Variants in CNNM2 observed in about 807,000 individuals in gnomAD.
CNNM2 encodes the protein metal transporter CNNM2.
In CNNM2, 12 loss-of-function variants were observed where a neutral mutation model predicts 66.9. That is an observed-to-expected ratio of 0.18 (90% CI 0.11 to 0.29). CNNM2 has a LOEUF of 0.29. CNNM2 is among the 10% of genes least tolerant of loss of function. The pLI is 1.00. For missense variants in CNNM2, 705 were observed against 1,167.7 expected (o/e 0.60, Z 5.77); for synonymous variants, 557 against 501.8 (o/e 1.11, Z -1.47).
intron 1 of CNNM2, among the ~76,000 whole-genome samples, chr10:102,941,452 T>A (rs1167420023): frequency 1.3e-5 from 2 of 150,418 alleles, no homozygotes; most frequent in East Asian, 2.0e-4. Context: ...TAAAAAAAAA[T>A]GATCATATAC....
chr10:102,997,283 C>T (rs2064021093), intron 1 of CNNM2, among the ~76,000 whole-genome samples: 1 of 152,148 alleles, frequency 6.6e-6, no homozygotes, highest in Non-Finnish European at 1.5e-5. Context: ...AATTCTTGAT[C>T]CACTGCAGGT....
intron 1 of CNNM2, among the ~76,000 whole-genome samples, chr10:103,034,073 A>T (rs533962013): frequency 2.8e-4 from 43 of 152,048 alleles, no homozygotes; most frequent in African/African-American, 9.9e-4. Flanking sequence ...AATACATTGG[A>T]TAAGAATTTA....
chr10:103,020,952 C>T (rs2064563979), intron 1 of CNNM2, among the ~76,000 whole-genome samples: 1 of 151,926 alleles, frequency 6.6e-6, no homozygotes, highest in South Asian at 2.1e-4. Context: ...ATGACAAGGT[C>T]AATGGAGTGA....
chr10:102,920,864 A>G (rs1264530632), intron 1 of CNNM2, among the ~76,000 whole-genome samples: 1 of 152,178 alleles, frequency 6.6e-6, no homozygotes, highest in Non-Finnish European at 1.5e-5. Context: ...ATTTGTTTAC[A>G]TTTATCTGAC....
intron 1 of CNNM2, among the ~76,000 whole-genome samples, chr10:103,017,454 A>G (rs931658221): frequency 2.6e-5 from 4 of 152,166 alleles, no homozygotes; most frequent in Non-Finnish European, 5.9e-5. Context: ...GGTGGTATGT[A>G]TGGCAGAGAA....
At chr10:103,039,288 C>A (rs1235330744) in intron 1 of CNNM2, among the ~76,000 whole-genome samples, 1 of 152,116 alleles carries the variant, frequency 6.6e-6, no homozygotes, top group East Asian at 1.9e-4. Context: ...AGGAGTGCAC[C>A]ACCATGCCTG....
At chr10:103,003,356 C>T (rs1276043928) in intron 1 of CNNM2, among the ~76,000 whole-genome samples, 4 of 152,002 alleles carry the variant, frequency 2.6e-5, no homozygotes, top group African/African-American at 7.2e-5. Context: ...TCAGGTAATC[C>T]GCCTGCCTCA....
At chr10:102,921,476 G>A (rs2134153523) in intron 1 of CNNM2, among the ~76,000 whole-genome samples, 1 of 152,304 alleles carries the variant, frequency 6.6e-6, no homozygotes, top group South Asian at 2.1e-4. Context: ...TAAGTTTTAT[G>A]TAAAGGAACA....
rs2065711337 is a variant in CNNM2, at chr10:103,077,523, A to AT, written c.*349dup. On this transcript the variant is annotated 3_prime_UTR_variant, in exon 8 of 8. Transcript: ENST00000369878. Reference sequence around the variant, plus strand: ...ATGAAGTTGAAAATTGTTGCGATTTATTTTTTCAAGAGATCATGTTTTTAA... The same window carrying AT: ...ATGAAGTTGAAAATTGTTGCGATTTATTTTTTTCAAGAGATCATGTTTTTAA... 1 of 266,700 alleles carries AT rather than the reference A, an allele frequency of 3.7e-6. No homozygotes were observed. The highest frequency in any genetic ancestry group is 6.5e-5 in the South Asian group (1 of 15,352). 16.5% of individuals were successfully genotyped at this position (266,700 alleles called of 1,614,324 possible).
intron 1 of CNNM2, among the ~76,000 whole-genome samples, chr10:102,971,768 T>C (rs1473758480): frequency 6.6e-6 from 1 of 152,238 alleles, no homozygotes; most frequent in Non-Finnish European, 1.5e-5. Flanking sequence ...ATGTAAGTAA[T>C]GTCCGTGTGT....
intron 1 of CNNM2, among the ~76,000 whole-genome samples, chr10:103,035,271 C>T (rs1310003095): frequency 6.6e-6 from 1 of 152,146 alleles, no homozygotes; most frequent in East Asian, 1.9e-4. Flanking sequence ...CTAAAATAAA[C>T]CCCTTAGTTC....
intron 1 of CNNM2, among the ~76,000 whole-genome samples, chr10:102,988,843 T>G (rs1235261587): frequency 6.6e-6 from 1 of 152,186 alleles, no homozygotes; most frequent in Admixed American, 6.5e-5. Context: ...TCCACGGAAG[T>G]GAGGCTTAAT....
chr10:103,005,792 G>C (rs2134262723), intron 1 of CNNM2, among the ~76,000 whole-genome samples: 1 of 152,268 alleles, frequency 6.6e-6, no homozygotes, highest in Non-Finnish European at 1.5e-5. Flanking sequence ...GCAGTGGCAT[G>C]ATCATAGCTC....
rs538488350 is a variant in CNNM2, at chr10:102,988,234, G to A, written c.1622-61473G>A. Reference sequence around the variant, plus strand: ...GGAGAATCACTTGAACCTGGGAGGCGGAGGTTGCAGTGAGCCGGGATTGCA... The same window carrying A: ...GGAGAATCACTTGAACCTGGGAGGCAGAGGTTGCAGTGAGCCGGGATTGCA... On this transcript the variant is annotated intron_variant, in intron 1 of 7. Transcript: ENST00000369878. Among the ~76,000 whole-genome samples, 10 of 152,216 alleles carry A rather than the reference G, an allele frequency of 6.6e-5. No individual in the cohort carries two copies. The South Asian group carries it at 1.9e-3, about 28-fold the overall frequency.
In CNNM2 at chr10:103,030,068, G is replaced by A. The variant is rs555780090; in HGVS notation, c.1622-19639G>A. ...GGAGAATAAGAGTAAAGAAGCCAAG[G>A]GGAGGCCAGTGTTTATGGCAAAGAG... On this transcript the variant is annotated intron_variant, in intron 1 of 7. Coordinates refer to ENST00000369878, the MANE Select transcript of CNNM2 (RefSeq NM_017649.5). 1.2e-4 allele frequency among the ~76,000 whole-genome samples: 19 copies of A among 152,200 alleles called. No homozygotes were observed. In the East Asian group the frequency reaches 3.5e-3, roughly 28 times the overall value.
intron 1 of CNNM2, chr10:102,920,973 C>A (rs1845610266): frequency 2.2e-6 from 1 of 446,884 alleles, no homozygotes; most frequent in Non-Finnish European, 3.0e-6. Context: ...TATTTCTTGA[C>A]TCTTTCAGTT....
chr10:102,987,223 C>G (rs899477661), intron 1 of CNNM2, among the ~76,000 whole-genome samples: 1 of 152,086 alleles, frequency 6.6e-6, no homozygotes, highest in Admixed American at 6.6e-5. Context: ...TATTCTAAAG[C>G]GGTAGTCCTC....
chr10:103,006,101 A>G (rs1211085722), intron 1 of CNNM2, among the ~76,000 whole-genome samples: 1 of 152,174 alleles, frequency 6.6e-6, no homozygotes, highest in Non-Finnish European at 1.5e-5. Flanking sequence ...TGGGACCTGC[A>G]GTTGAATAGG....
At chr10:102,944,370 G>C (rs1846535681) in intron 1 of CNNM2, among the ~76,000 whole-genome samples, 1 of 152,124 alleles carries the variant, frequency 6.6e-6, no homozygotes, top group Middle Eastern at 3.2e-3. Context: ...GAGCCATCGT[G>C]CCTGGCCTGC....
Sources: allele counts gnomAD v4.1 joint callset (sites outside exome capture counted in the v4.1 genomes callset), GRCh38; gene constraint gnomAD v4.1.1; transcripts MANE v1.5; gene names NCBI Gene and HGNC (gene_info 2026-07-23, HGNC 2026-07-21).